The following RMDN2 variants were observed in gnomAD, a reference collection of about 807,000 sequenced individuals.
The protein encoded by RMDN2 is regulator of microtubule dynamics 2, also known as regulator of microtubule dynamics protein 2.
RMDN2 carries 61 observed loss-of-function variants against 52.8 expected under a neutral mutation model. The ratio of observed to expected loss-of-function variants is 1.16; its 90% CI spans 0.94 to 1.43. RMDN2 has a LOEUF of 1.43. Ranked by LOEUF, RMDN2 falls within the 40% of genes most tolerant of loss-of-function variation. The pLI is 0.00. For missense variants in RMDN2, 592 were observed against 475.3 expected (o/e 1.25, Z -2.28); for synonymous variants, 180 against 153.1 (o/e 1.18, Z -1.30).
At chr2:38,020,118 T>G (rs998417242), downstream of RMDN2, among the ~76,000 whole-genome samples, 4 of 152,180 alleles carry the variant, frequency 2.6e-5, no homozygotes, top group African/African-American at 7.2e-5. Flanking sequence ...AATTTTTCCC[T>G]GGATCCGCGG....
chr2:37,974,684 T>G (rs1424108223), intron 3 of RMDN2: 1 of 152,518 alleles, frequency 6.6e-6, no homozygotes, highest in Non-Finnish European at 1.5e-5. Flanking sequence ...ATTAAAAGTT[T>G]GCAGTGTCCC....
At chr2:37,927,093 C>T (rs1187780975) in intron 1 of RMDN2, among the ~76,000 whole-genome samples, 3 of 152,190 alleles carry the variant, frequency 2.0e-5, no homozygotes, top group South Asian at 2.1e-4. Flanking sequence ...TCAAACATAG[C>T]TTGAACTGTT....
chr2:37,954,355 C>A (rs1057244299), intron 2 of RMDN2, among the ~76,000 whole-genome samples: 1 of 152,006 alleles, frequency 6.6e-6, no homozygotes, highest in Non-Finnish European at 1.5e-5. Context: ...GTCTTTGATG[C>A]ATTTTGAGTT....
At chr2:38,034,373 T>C (rs1313787342) in intron 10 of RMDN2, among the ~76,000 whole-genome samples, 1 of 152,190 alleles carries the variant, frequency 6.6e-6, no homozygotes, top group Non-Finnish European at 1.5e-5. Context: ...GGAGCCTAGT[T>C]ATAGTTGCTT....
chr2:37,964,215 A>G (rs1670729046), intron 2 of RMDN2, among the ~76,000 whole-genome samples: 1 of 150,544 alleles, frequency 6.6e-6, no homozygotes, highest in South Asian at 2.1e-4. Context: ...CTCACTTCTC[A>G]GACAGGGCGG....
intron 10 of RMDN2, chr2:38,028,298 A>G (rs1395390032): frequency 1.3e-5 from 2 of 152,230 alleles, no homozygotes; most frequent in Non-Finnish European, 2.9e-5. Context: ...GCTGACAAAT[A>G]CTACAATTAT....
chr2:38,057,258 G>A (rs1157168414), intron 10 of RMDN2, among the ~76,000 whole-genome samples: 1 of 152,192 alleles, frequency 6.6e-6, no homozygotes, highest in Non-Finnish European at 1.5e-5. Flanking sequence ...TGTGGTCTTT[G>A]TTACAACTAC....
chr2:38,025,423 T>C (rs904462279), intron 10 of RMDN2, among the ~76,000 whole-genome samples: 9 of 152,124 alleles, frequency 5.9e-5, no homozygotes, highest in African/African-American at 2.2e-4. Context: ...ATCAGTTGTG[T>C]ATAAAGACAG....
chr2:38,052,663 A>G lies in RMDN2; in HGVS notation c.1714-14319A>G, dbSNP rs74902853. 8.5e-5 allele frequency among the ~76,000 whole-genome samples: 13 copies of G among 152,260 alleles called. 1 individual carries two copies. In the South Asian group the frequency reaches 1.7e-3, roughly 19 times the overall value. On this transcript the variant is annotated intron_variant, in intron 10 of 10. Coordinates refer to the RMDN2 transcript ENST00000234195. ...ACCTTCATATTCTTAATGATTCTCT[A>G]TAGTCATGTATGAACTTGGCTAAGG...
At chr2:38,059,042 G>A (rs1323676613) in intron 10 of RMDN2, among the ~76,000 whole-genome samples, 2 of 152,070 alleles carry the variant, frequency 1.3e-5, no homozygotes, top group Admixed American at 6.6e-5. Flanking sequence ...AAAGTAAAAC[G>A]TCCAATAAAT....
At chr2:38,060,915 T>G (rs1682019185) in intron 10 of RMDN2, among the ~76,000 whole-genome samples, 1 of 152,134 alleles carries the variant, frequency 6.6e-6, no homozygotes, top group African/African-American at 2.4e-5. Flanking sequence ...AGGGTGGAAA[T>G]CTTTTTCAAT....
chr2:38,064,344 G>A (rs1270512224), intron 10 of RMDN2, among the ~76,000 whole-genome samples: 1 of 151,996 alleles, frequency 6.6e-6, no homozygotes, highest in Non-Finnish European at 1.5e-5. Flanking sequence ...ACAAAAATTA[G>A]CCAGACATGG....
chr2:37,964,234 C>G (rs1001620859), intron 2 of RMDN2, among the ~76,000 whole-genome samples: 1 of 152,136 alleles, frequency 6.6e-6, no homozygotes, highest in Non-Finnish European at 1.5e-5. Flanking sequence ...GGCTGCCGGG[C>G]GGAGGGGCTC....
At chr2:38,057,053 A>G (rs142035373) in intron 10 of RMDN2, among the ~76,000 whole-genome samples, 328 of 152,350 alleles carry the variant, frequency 2.2e-3, no homozygotes, top group Admixed American at 4.0e-3. Context: ...GCTCTAGCAC[A>G]GTCCAGGGCC....
At chr2:37,989,715 C>A in intron 6 of RMDN2, 99 bp downstream of exon 6, 1 of 771,268 alleles carries the variant, frequency 1.3e-6, no homozygotes, top group East Asian at 2.7e-5. Flanking sequence ...TATGTTCCAT[C>A]AATGGGTATA....
At chr2:37,991,391 G>A (rs1394469097) in intron 7 of RMDN2, 94 bp downstream of exon 7, 2 of 499,082 alleles carry the variant, frequency 4.0e-6, no homozygotes, top group Non-Finnish European at 3.4e-6. Flanking sequence ...TTTACCCAGT[G>A]CCTACTTTAG....
chr2:38,051,729 G>A (rs1236722222), intron 10 of RMDN2, among the ~76,000 whole-genome samples: 1 of 151,958 alleles, frequency 6.6e-6, no homozygotes, highest in Admixed American at 6.6e-5. Context: ...CTCTACCTCT[G>A]TGAGATTAAA....
At chr2:38,009,185 G>A (rs1453484293) in intron 10 of RMDN2, among the ~76,000 whole-genome samples, 1 of 152,064 alleles carries the variant, frequency 6.6e-6, no homozygotes, top group African/African-American at 2.4e-5. Flanking sequence ...TACATGTCTT[G>A]GAGTTAGTCT....
intron 2 of RMDN2, chr2:37,950,184 G>A: frequency 3.0e-6 from 1 of 327,870 alleles, no homozygotes; most frequent in Non-Finnish European, 5.9e-6. Flanking sequence ...ACAGGGGTGT[G>A]GAAGGCAGCT....
Sources: gnomAD v4.1 joint callset for allele counts (sites outside exome capture counted in the v4.1 genomes callset) on GRCh38, gnomAD v4.1.1 for gene constraint, MANE v1.5 for transcripts, NCBI Gene and HGNC (gene_info 2026-07-23, HGNC 2026-07-21) for gene names.